TG: variants seen among roughly 807,000 people sequenced by gnomAD.
The protein encoded by TG is thyroid hormones.
Under a neutral mutation model 324.7 loss-of-function variants are expected in TG, and 270 were observed. The observed-to-expected ratio is 0.83, with a 90% CI of 0.75 to 0.92. The LOEUF (loss-of-function observed/expected upper bound fraction) is 0.92, where lower values mean the gene tolerates loss of function less well. Ranked by LOEUF, TG falls within the 40% of genes least tolerant of loss-of-function variation. TG has a pLI of 0.00. For missense variants in TG, 3,591 were observed against 3,456.4 expected (o/e 1.04, Z -0.98); for synonymous variants, 1,401 against 1,327.0 (o/e 1.06, Z -1.21).
At chr8:132,908,386 G>C (rs1481220517) in intron 18 of TG, 46 bp downstream of exon 18, 1 of 1,507,904 alleles carries the variant, frequency 6.6e-7, no homozygotes, top group African/African-American at 1.6e-5. Flanking sequence ...ACTCAACTCA[G>C]GGTTACGGTG....
chr8:132,943,265 C>T (rs1425789895), intron 26 of TG, among the ~76,000 whole-genome samples: 1 of 152,018 alleles, frequency 6.6e-6, no homozygotes. Context: ...TGAGTGAGTT[C>T]TTCTTGCAAG....
chr8:133,106,075 T>C (rs988254639), intron 43 of TG, among the ~76,000 whole-genome samples: 3 of 151,538 alleles, frequency 2.0e-5, no homozygotes, highest in Non-Finnish European at 4.4e-5. Flanking sequence ...ACTTTAGCTC[T>C]AGGTGGGGGT....
chr8:132,969,769 G>A (rs775997546), intron 32 of TG, among the ~76,000 whole-genome samples, 200 bp downstream of exon 32: 1 of 151,868 alleles, frequency 6.6e-6, no homozygotes, highest in Non-Finnish European at 1.5e-5. Context: ...AAATTAGCTG[G>A]GCATGGTGGC....
rs1815579548 is a variant in TG, at chr8:132,887,443, G to A, written c.2071G>A (p.Gly691Arg). 1.2e-6 allele frequency: 2 copies of A among 1,614,104 alleles called. No individual in the cohort carries two copies. Among genetic ancestry groups the A allele is most frequent in the Non-Finnish European group, 1.7e-6 (2 of 1,180,020 alleles). Reference protein sequence around the residue: ...TLFVPACTSEGHFLPVQCFNS... With the variant: ...TLFVPACTSERHFLPVQCFNS... ...GTTTGTCCCTGCTTGTACTAGTGAG[G>A]GACATTTCCTGCCTGTCCAGTGCTT... is the stretch of plus-strand genomic sequence containing the variant. Residue 691 changes from glycine to arginine, a missense_variant, in exon 9 of 48, where the codon GGA becomes AGA. Physicochemically the swap from Gly to Arg is moderately radical, Grantham distance 125. Coordinates refer to ENST00000220616, the MANE Select transcript of TG (RefSeq NM_003235.5).
Sources: gnomAD v4.1 joint callset for allele counts (sites outside exome capture counted in the v4.1 genomes callset) on GRCh38, gnomAD v4.1.1 for gene constraint, MANE v1.5 for transcripts, NCBI Gene and HGNC (gene_info 2026-07-23, HGNC 2026-07-21) for gene names.